Variants in SGCZ observed in about 807,000 individuals in gnomAD.
SGCZ encodes the protein zeta-sarcoglycan.
SGCZ carries 40 observed loss-of-function variants against 41.3 expected under a neutral mutation model. The observed-to-expected ratio is 0.97, with a 90% CI of 0.75 to 1.26. The LOEUF (loss-of-function observed/expected upper bound fraction) is 1.26, where lower values mean the gene tolerates loss of function less well. Among genes scored for constraint, SGCZ ranks in the 50% most tolerant of loss-of-function variants. The pLI is 0.00. For missense variants in SGCZ, 552 were observed against 369.8 expected (o/e 1.49, Z -4.04); for synonymous variants, 206 against 137.5 (o/e 1.50, Z -3.49).
intron 1 of SGCZ, among the ~76,000 whole-genome samples, chr8:14,674,783 C>A (rs943661397): frequency 4.7e-5 from 7 of 147,740 alleles, no homozygotes; most frequent in Non-Finnish European, 7.4e-5. Context: ...CCCTCCCCTG[C>A]CCTCTCCTCC....
intron 2 of SGCZ, among the ~76,000 whole-genome samples, chr8:14,554,349 A>G (rs1803964681): frequency 6.6e-6 from 1 of 152,072 alleles, no homozygotes; most frequent in Non-Finnish European, 1.5e-5. Flanking sequence ...ATTCAAAGGC[A>G]CATATGATTT....
In SGCZ at chr8:14,309,047, A is replaced by G. The variant is rs886918957; in HGVS notation, c.336+15056T>C. 14 of 1,332,892 alleles carry G rather than the reference A, an allele frequency of 1.1e-5. No homozygotes were observed. The African/African-American group carries it at 2.1e-4, about 20-fold the overall frequency. 82.6% of individuals were successfully genotyped at this position (1,332,892 alleles called of 1,614,324 possible). A position where few individuals can be genotyped will look rare whatever the true frequency, so the allele number is the denominator to read the frequency against. On this transcript the variant is annotated intron_variant, in intron 3 of 7. Transcript: ENST00000382080. ...GAAAATGAAACCGGAAGCCTCCCCT[A>G]CTCTTAATTCCCCAACTACAGAAGA...
intron 1 of SGCZ, among the ~76,000 whole-genome samples, chr8:14,787,532 AG>A (rs1800806543): frequency 6.6e-6 from 1 of 152,118 alleles, no homozygotes; most frequent in African/African-American, 2.4e-5. Context: ...GTAGTAACTG[AG>A]TTTTATCCTA....
intron 1 of SGCZ, among the ~76,000 whole-genome samples, chr8:14,964,476 T>G (rs553472406): frequency 2.6e-5 from 4 of 152,294 alleles, no homozygotes; most frequent in African/African-American, 9.6e-5. Flanking sequence ...GGGTTACCTC[T>G]AAAACAAAAA....
chr8:14,796,826 C>T (rs1157332338), intron 1 of SGCZ, among the ~76,000 whole-genome samples: 4 of 152,222 alleles, frequency 2.6e-5, no homozygotes, highest in East Asian at 1.9e-4. Context: ...GCGTTGGTTT[C>T]GCCCATGCTA....
At chr8:14,815,411 T>A (rs1399411878) in intron 1 of SGCZ, among the ~76,000 whole-genome samples, 3 of 151,530 alleles carry the variant, frequency 2.0e-5, no homozygotes, top group African/African-American at 7.3e-5. Context: ...GGTTCATAAC[T>A]ACTTACTTCA....
At chr8:15,056,385 T>C (rs1156565387) in intron 1 of SGCZ, among the ~76,000 whole-genome samples, 2 of 152,212 alleles carry the variant, frequency 1.3e-5, no homozygotes, top group African/African-American at 2.4e-5. Flanking sequence ...CTGCTTCTCA[T>C]TACATTTTCT....
chr8:14,319,493 T>A (rs1347635077), intron 3 of SGCZ: 3 of 152,164 alleles, frequency 2.0e-5, no homozygotes, highest in Middle Eastern at 3.4e-3. Flanking sequence ...TAGCAAATTT[T>A]CTGGCTTTTC....
chr8:14,716,245 G>C (rs1809686718), intron 1 of SGCZ, among the ~76,000 whole-genome samples: 1 of 151,838 alleles, frequency 6.6e-6, no homozygotes, highest in Non-Finnish European at 1.5e-5. Flanking sequence ...CTTAAAAACA[G>C]AGATTAATGT....
intron 2 of SGCZ, among the ~76,000 whole-genome samples, chr8:14,344,780 G>T (rs909204017): frequency 2.0e-5 from 3 of 151,934 alleles, no homozygotes; most frequent in Admixed American, 6.6e-5. Flanking sequence ...AGCTACAAAT[G>T]AAAATATAAA....
Position 15,015,751 on chromosome 8 carries a change from GTGTGTGT to G in SGCZ, c.39+221827_39+221833del, listed in dbSNP as rs1480060909. Among the ~76,000 whole-genome samples the G allele has an allele frequency of 4.7e-5, 7 of 150,390 alleles. No individual in the cohort carries two copies. The East Asian group carries it at 1.4e-3, about 29-fold the overall frequency. On this transcript the variant is annotated intron_variant, in intron 1 of 7. Transcript: ENST00000382080. ...CGTGTGTGTGTGTGTGTGTGTGTGT[GTGTGTGT>G]GTGTGTGTGTGTAGTTTAAGCAATA...
intron 3 of SGCZ, among the ~76,000 whole-genome samples, chr8:14,309,906 T>C (rs1335907008): frequency 1.3e-5 from 2 of 152,152 alleles, no homozygotes; most frequent in Non-Finnish European, 2.9e-5. Context: ...GAATATACAG[T>C]ACACATCCCC....
intron 4 of SGCZ, among the ~76,000 whole-genome samples, chr8:14,181,785 G>A (rs965777301): frequency 6.6e-6 from 1 of 152,200 alleles, no homozygotes; most frequent in African/African-American, 2.4e-5. Context: ...GTGGAACTGT[G>A]AGTCAGTTAA....
chr8:14,692,119 AAAAT>A (rs1808818963), intron 1 of SGCZ, among the ~76,000 whole-genome samples: 1 of 152,044 alleles, frequency 6.6e-6, no homozygotes, highest in Non-Finnish European at 1.5e-5. Flanking sequence ...ATAATTAAGA[AAAAT>A]AAAATCCCGG....
At chr8:15,091,499 C>G (rs1806152030) in intron 1 of SGCZ, among the ~76,000 whole-genome samples, 1 of 152,132 alleles carries the variant, frequency 6.6e-6, no homozygotes, top group Non-Finnish European at 1.5e-5. Context: ...ATGCCTTAGG[C>G]TTGAGAGATG....
At chr8:15,080,737 C>T (rs1037980837) in intron 1 of SGCZ, among the ~76,000 whole-genome samples, 2 of 151,960 alleles carry the variant, frequency 1.3e-5, no homozygotes, top group Non-Finnish European at 2.9e-5. Flanking sequence ...ATTACAGGTG[C>T]CTGTCACCAT....
At chr8:15,196,404 G>C (rs1293043000) in intron 1 of SGCZ, among the ~76,000 whole-genome samples, 1 of 152,176 alleles carries the variant, frequency 6.6e-6, no homozygotes, top group African/African-American at 2.4e-5. Flanking sequence ...GGTATCAAAA[G>C]TCCAGTAAGC....
rs1247984742 is a variant in SGCZ at position 14,976,015 on chromosome 8, T to TATAC, written c.39+261569_39+261570insGTAT. On this transcript the variant is annotated intron_variant, in intron 1 of 7. Coordinates refer to ENST00000382080, the MANE Select transcript of SGCZ (RefSeq NM_139167.4). The stretch of plus-strand genomic sequence containing the variant: ...ATATATATATACATATATATATATA[T>TATAC]ACACATATATATTTTTTTTTTTTCT... 2.5e-4 allele frequency among the ~76,000 whole-genome samples: 35 copies of TATAC among 142,204 alleles called. No homozygotes were observed. In the East Asian group the frequency reaches 3.7e-3, roughly 15 times the overall value. 93.3% of individuals were successfully genotyped at this position (142,204 alleles called of 152,430 possible).
intron 1 of SGCZ, among the ~76,000 whole-genome samples, chr8:15,182,766 C>A (rs1487101939): frequency 6.6e-6 from 1 of 152,094 alleles, no homozygotes; most frequent in African/African-American, 2.4e-5. Flanking sequence ...ATTGTTTTAT[C>A]TTCAAAATAA....
Sources: allele counts gnomAD v4.1 joint callset (sites outside exome capture counted in the v4.1 genomes callset), GRCh38; gene constraint gnomAD v4.1.1; transcripts MANE v1.5; gene names NCBI Gene and HGNC (gene_info 2026-07-23, HGNC 2026-07-21).